The following ADARB2 variants were observed in gnomAD, a reference collection of about 807,000 sequenced individuals.
ADARB2 encodes adenosine deaminase RNA specific B2 (inactive).
In ADARB2, 25 loss-of-function variants were observed where a neutral mutation model predicts 62.2. The observed-to-expected ratio is 0.40, with a 90% CI of 0.29 to 0.56. The LOEUF is 0.56. ADARB2 is among the 20% of genes least tolerant of loss of function. The pLI, the probability that ADARB2 is intolerant of heterozygous loss-of-function variation, is 0.43. For synonymous variants in ADARB2, 572 were observed against 500.8 expected, an observed-to-expected ratio of 1.14 and a Z score of -1.90; for missense variants, 1,071 against 1,077.4, an observed-to-expected ratio of 0.99 and a Z score of 0.08.
chr10:1,326,693 C>CCTCCTCACAGCTCAGCGT (rs1831849476), intron 3 of ADARB2, among the ~76,000 whole-genome samples: 1 of 151,874 alleles, frequency 6.6e-6, no homozygotes, highest in Non-Finnish European at 1.5e-5. Context: ...CAACACAGTG[C>CCTCCTCACAGCTCAGCGT]CTCCTCACAG....
At chr10:1,392,945 T>A (rs61833614) in intron 1 of ADARB2, among the ~76,000 whole-genome samples, 3,997 of 152,098 alleles carry the variant, frequency 0.026, 104 homozygotes, top group East Asian at 0.12. Context: ...AAGAGGTAAT[T>A]GTGTTCAAAA....
chr10:1,277,419 G>A (rs1045217321), intron 3 of ADARB2, among the ~76,000 whole-genome samples: 1 of 152,136 alleles, frequency 6.6e-6, no homozygotes, highest in Non-Finnish European at 1.5e-5. Context: ...TGATAAAGGG[G>A]ATATCACCAC....
intron 3 of ADARB2, among the ~76,000 whole-genome samples, chr10:1,330,225 G>A (rs952763228): frequency 2.0e-5 from 3 of 152,106 alleles, no homozygotes; most frequent in Non-Finnish European, 4.4e-5. Context: ...AGCAGGTAGA[G>A]GATGTGCAGC....
At chr10:1,678,468 C>A in intron 1 of ADARB2, 1 of 491,874 alleles carries the variant, frequency 2.0e-6, no homozygotes, top group Non-Finnish European at 2.6e-6. Flanking sequence ...CTCAAGGTCA[C>A]CGAGAACTTT....
intron 1 of ADARB2, among the ~76,000 whole-genome samples, chr10:1,401,834 T>C (rs1832666254): frequency 6.6e-6 from 1 of 152,138 alleles, no homozygotes; most frequent in African/African-American, 2.4e-5. Context: ...TCCCAAAGTG[T>C]GTTCTGCCAA....
In ADARB2 at chr10:1,183,114, C is replaced by T. The variant is rs141081834; in HGVS notation, c.*79G>A. 4,162 of 1,517,856 alleles carry T rather than the reference C, an allele frequency of 2.7e-3. 97 individuals carry two copies. In the East Asian group the frequency reaches 0.056, roughly 20 times the overall value. The allele number at this position is 1,517,856 out of a possible 1,614,324, so 94.0% of individuals were successfully genotyped here. On this transcript the variant is annotated 3_prime_UTR_variant, in exon 10 of 10. Coordinates refer to ENST00000381312, the MANE Select transcript of ADARB2 (RefSeq NM_018702.4). ...AGTAAAACGAATGCAGGGAACCGGC[C>T]GACCCGCCACGTCGCCCCCCAGACA...
At chr10:1,730,667 C>CT (rs35579346) in intron 1 of ADARB2, among the ~76,000 whole-genome samples, 43,806 of 151,918 alleles carry the variant, frequency 0.29, 7,188 homozygotes, top group East Asian at 0.53. Flanking sequence ...TGTTACTCTT[C>CT]TTTTTTTATA....
At chr10:1,295,543 G>A (rs1474872395) in intron 3 of ADARB2, among the ~76,000 whole-genome samples, 18 of 152,070 alleles carry the variant, frequency 1.2e-4, no homozygotes, top group Admixed American at 7.2e-4. Context: ...GACCCTGAGT[G>A]CCGCTCTCTC....
intron 1 of ADARB2, among the ~76,000 whole-genome samples, chr10:1,686,138 TACAAAA>T (rs1183887494): frequency 2.0e-5 from 3 of 152,206 alleles, no homozygotes; most frequent in Admixed American, 6.5e-5. Context: ...AAAAAGTCTC[TACAAAA>T]ACAAAAACAG....
At chr10:1,707,354 G>A (rs1001764095) in intron 1 of ADARB2, among the ~76,000 whole-genome samples, 4 of 152,324 alleles carry the variant, frequency 2.6e-5, no homozygotes, top group South Asian at 2.1e-4. Context: ...CATGCACCCC[G>A]TTTTCCAGAA....
At chr10:1,432,615 C>G (rs1830788261) in intron 1 of ADARB2, among the ~76,000 whole-genome samples, 1 of 151,116 alleles carries the variant, frequency 6.6e-6, no homozygotes, top group Non-Finnish European at 1.5e-5. Flanking sequence ...ATGGAGGTTG[C>G]AATTATGACT....
chr10:1,343,686 G>A (rs1589198306), intron 3 of ADARB2, among the ~76,000 whole-genome samples: 1 of 152,216 alleles, frequency 6.6e-6, no homozygotes, highest in South Asian at 2.1e-4. Context: ...GGAATACTAT[G>A]CAGCCATAAA....
chr10:1,536,726 C>T (rs758594610), intron 1 of ADARB2, among the ~76,000 whole-genome samples: 3 of 152,156 alleles, frequency 2.0e-5, no homozygotes, highest in Non-Finnish European at 2.9e-5. Flanking sequence ...TGTTCCCTAT[C>T]TAATAAATGG....
At chr10:1,473,137 G>A (rs557128409) in intron 1 of ADARB2, among the ~76,000 whole-genome samples, 14 of 152,250 alleles carry the variant, frequency 9.2e-5, no homozygotes, top group African/African-American at 1.7e-4. Context: ...CCACGCACCC[G>A]TCCTTTGGAA....
intron 6 of ADARB2, among the ~76,000 whole-genome samples, chr10:1,220,302 G>C (rs1035882550): frequency 7.6e-5 from 11 of 144,678 alleles, no homozygotes; most frequent in Non-Finnish European, 1.7e-4. Flanking sequence ...TGGTGATGGT[G>C]GTGATGGTGG....
At chr10:1,615,912 T>C (rs7912853) in intron 1 of ADARB2, among the ~76,000 whole-genome samples, 2 of 152,066 alleles carry the variant, frequency 1.3e-5, no homozygotes, top group Admixed American at 1.3e-4. Flanking sequence ...TCATTGCATT[T>C]GTCAATGGGA....
intron 1 of ADARB2, among the ~76,000 whole-genome samples, chr10:1,424,818 G>A (rs1056643639): frequency 1.3e-5 from 2 of 152,132 alleles, no homozygotes; most frequent in Non-Finnish European, 2.9e-5. Flanking sequence ...TCATCCTGTC[G>A]CATTTTGGTT....
chr10:1,642,748 C>T (rs1833993476), intron 1 of ADARB2, among the ~76,000 whole-genome samples: 1 of 151,948 alleles, frequency 6.6e-6, no homozygotes, highest in Non-Finnish European at 1.5e-5. Flanking sequence ...CATCCACACT[C>T]ACATGCACAC....
intron 1 of ADARB2, among the ~76,000 whole-genome samples, chr10:1,621,563 A>T (rs960026252): frequency 1.2e-4 from 19 of 152,272 alleles, no homozygotes; most frequent in Admixed American, 9.8e-4. Flanking sequence ...CAGCAGGCAC[A>T]TGCCACCACA....
Sources: allele counts gnomAD v4.1 joint callset (sites outside exome capture counted in the v4.1 genomes callset), GRCh38; gene constraint gnomAD v4.1.1; transcripts MANE v1.5; gene names NCBI Gene and HGNC (gene_info 2026-07-23, HGNC 2026-07-21).